The following LRRTM4 variants were observed in gnomAD, a reference collection of about 807,000 sequenced individuals.
LRRTM4 encodes leucine rich repeat transmembrane neuronal 4.
In LRRTM4, 25 loss-of-function variants were observed where a neutral mutation model predicts 47.6. The ratio of observed to expected loss-of-function variants is 0.53; its 90% CI spans 0.38 to 0.73. The LOEUF (loss-of-function observed/expected upper bound fraction) is 0.73, where lower values mean the gene tolerates loss of function less well. LRRTM4 is among the 30% of genes least tolerant of loss of function. The pLI is 0.00. For synonymous variants in LRRTM4, 311 were observed against 269.5 expected (o/e 1.15, Z -1.51); for missense variants, 638 against 713.4 (o/e 0.89, Z 1.20).
intron 3 of LRRTM4, among the ~76,000 whole-genome samples, chr2:77,081,470 G>GAT (rs1186418654): frequency 1.3e-5 from 2 of 151,662 alleles, no homozygotes. Flanking sequence ...AAAAATCACT[G>GAT]ATATATATAT....
chr2:77,369,915 G>A (rs1672599956), intron 3 of LRRTM4, among the ~76,000 whole-genome samples: 1 of 151,678 alleles, frequency 6.6e-6, no homozygotes, highest in Non-Finnish European at 1.5e-5. Flanking sequence ...TAATCTTATG[G>A]TACCACCATT....
At chr2:77,508,997 C>T (rs1199251836) in intron 3 of LRRTM4, among the ~76,000 whole-genome samples, 1 of 151,946 alleles carries the variant, frequency 6.6e-6, no homozygotes, top group African/African-American at 2.4e-5. Flanking sequence ...TTTGGGAGGC[C>T]AGGGCGGGCA....
At chr2:77,505,220 T>C (rs1678722780) in intron 3 of LRRTM4, among the ~76,000 whole-genome samples, 2 of 151,052 alleles carry the variant, frequency 1.3e-5, no homozygotes, top group African/African-American at 4.8e-5. Context: ...AAACAATATA[T>C]ATAAAATTCA....
At chr2:77,322,922 A>G (rs961733792) in intron 3 of LRRTM4, among the ~76,000 whole-genome samples, 10 of 150,624 alleles carry the variant, frequency 6.6e-5, no homozygotes, top group African/African-American at 2.2e-4. Flanking sequence ...TAACTGTTAC[A>G]TGGATATTTA....
chr2:77,095,439 GAT>G (rs1291049042), intron 3 of LRRTM4, among the ~76,000 whole-genome samples: 1 of 151,318 alleles, frequency 6.6e-6, no homozygotes, highest in Non-Finnish European at 1.5e-5. Context: ...ATGTCAAAGA[GAT>G]ATCTGCACTC....
At chr2:76,871,798 C>T (rs1234318156) in intron 3 of LRRTM4, among the ~76,000 whole-genome samples, 1 of 152,160 alleles carries the variant, frequency 6.6e-6, no homozygotes, top group Non-Finnish European at 1.5e-5. Flanking sequence ...ATGAAGCCAA[C>T]TGCCCTATGG....
intron 3 of LRRTM4, among the ~76,000 whole-genome samples, chr2:77,206,140 G>T (rs1001802351): frequency 4.0e-5 from 6 of 150,660 alleles, no homozygotes; most frequent in Non-Finnish European, 1.5e-5. Context: ...ACCATGCCTA[G>T]CTGTCTTCTT....
At chr2:77,035,552 C>G (rs1363202674) in intron 3 of LRRTM4, among the ~76,000 whole-genome samples, 1 of 151,696 alleles carries the variant, frequency 6.6e-6, no homozygotes, top group African/African-American at 2.4e-5. Context: ...TTTTGCTTTT[C>G]TTTTAACATA....
At chr2:77,088,119 G>A (rs573408786) in intron 3 of LRRTM4, among the ~76,000 whole-genome samples, 3 of 152,180 alleles carry the variant, frequency 2.0e-5, no homozygotes, top group African/African-American at 7.2e-5. Flanking sequence ...GAACAAAGAG[G>A]AGAAAAGAGA....
chr2:76,871,667 T>C (rs563847279), intron 3 of LRRTM4, among the ~76,000 whole-genome samples: 3 of 152,344 alleles, frequency 2.0e-5, no homozygotes, highest in African/African-American at 7.2e-5. Flanking sequence ...TTCTAACTAA[T>C]AGAATACAGA....
intron 3 of LRRTM4, among the ~76,000 whole-genome samples, chr2:76,785,859 G>C (rs1489167172): frequency 6.6e-6 from 1 of 152,096 alleles, no homozygotes; most frequent in African/African-American, 2.4e-5. Flanking sequence ...GGATCAGCCA[G>C]ACCTGCAGAG....
At chr2:76,781,442 A>G (rs1220557180) in intron 3 of LRRTM4, among the ~76,000 whole-genome samples, 7 of 152,200 alleles carry the variant, frequency 4.6e-5, no homozygotes, top group East Asian at 1.9e-4. Flanking sequence ...CAGGTGTGGC[A>G]TATAATCTTG....
At chr2:77,490,620 A>C (rs1012953596) in intron 3 of LRRTM4, among the ~76,000 whole-genome samples, 1 of 139,396 alleles carries the variant, frequency 7.2e-6, no homozygotes, top group Non-Finnish European at 1.6e-5. Context: ...AGTATCAAAA[A>C]TAATAAAAAA....
chr2:77,482,435 T>G (rs1677742435), intron 3 of LRRTM4, among the ~76,000 whole-genome samples: 1 of 69,028 alleles, frequency 1.4e-5, no homozygotes, highest in Admixed American at 1.7e-4. Context: ...ATAGAAATAT[T>G]TTTTAAACAC....
chr2:77,449,992 A>G (rs13002243), intron 3 of LRRTM4, among the ~76,000 whole-genome samples: 16,784 of 152,220 alleles, frequency 0.11, 1,089 homozygotes, highest in Middle Eastern at 0.17. Context: ...AATAATGCAT[A>G]TAACTCCAAC....
intron 3 of LRRTM4, among the ~76,000 whole-genome samples, chr2:76,812,707 TATTTC>T (rs981591573): frequency 7.3e-5 from 11 of 150,606 alleles, no homozygotes; most frequent in Non-Finnish European, 1.2e-4. Flanking sequence ...TTTCTTTCTT[TATTTC>T]TTTTTCTTTC....
chr2:77,438,930 G>A (rs1384551211), intron 3 of LRRTM4, among the ~76,000 whole-genome samples: 1 of 152,020 alleles, frequency 6.6e-6, no homozygotes, highest in African/African-American at 2.4e-5. Context: ...CTTGTTATGG[G>A]GGCATACTGC....
intron 3 of LRRTM4, among the ~76,000 whole-genome samples, chr2:77,079,068 A>G (rs1680442501): frequency 6.6e-6 from 1 of 152,184 alleles, no homozygotes. Context: ...ACTTTCTAAT[A>G]CCATCACATT....
chr2:76,790,083 C>T (rs1172431570), intron 3 of LRRTM4, among the ~76,000 whole-genome samples: 1 of 152,168 alleles, frequency 6.6e-6, no homozygotes, highest in African/African-American at 2.4e-5. Context: ...TCACCACTGT[C>T]TGAGATCTTT....
Sources: allele counts gnomAD v4.1 joint callset (sites outside exome capture counted in the v4.1 genomes callset), GRCh38; gene constraint gnomAD v4.1.1; transcripts MANE v1.5; gene names NCBI Gene and HGNC (gene_info 2026-07-23, HGNC 2026-07-21).